Variants in WDR25 observed in about 807,000 individuals in gnomAD.
The protein encoded by WDR25 is WD repeat domain 25, also known as WD repeat-containing protein 25.
WDR25 carries 35 observed loss-of-function variants against 47.7 expected under a neutral mutation model. That is an observed-to-expected ratio of 0.73 (90% CI 0.56 to 0.97). The LOEUF is 0.97. WDR25 is among the 50% of genes least tolerant of loss of function. The probability of loss-of-function intolerance (pLI) is 0.00; values close to 1 mark genes in which losing one functional copy is unlikely to be tolerated. For synonymous variants in WDR25, 248 were observed against 278.9 expected, an observed-to-expected ratio of 0.89 and a Z score of 1.10; for missense variants, 634 against 704.7, an observed-to-expected ratio of 0.90 and a Z score of 1.14.
At chr14:100,383,557 G>A (rs1896953681) in intron 2 of WDR25, among the ~76,000 whole-genome samples, 1 of 152,262 alleles carries the variant, frequency 6.6e-6, no homozygotes, top group African/African-American at 2.4e-5. Context: ...TCTCCTGATG[G>A]TGAGGGGCAG....
chr14:100,429,465 G>T (rs915361058), intron 2 of WDR25, among the ~76,000 whole-genome samples: 58 of 152,180 alleles, frequency 3.8e-4, no homozygotes, highest in African/African-American at 1.3e-3. Flanking sequence ...CTGTTCATCT[G>T]CCCTGAGGCC....
At chr14:100,386,468 G>A (rs1897020372) in intron 2 of WDR25, among the ~76,000 whole-genome samples, 1 of 152,182 alleles carries the variant, frequency 6.6e-6, no homozygotes, top group Non-Finnish European at 1.5e-5. Flanking sequence ...ACTGTCTCAA[G>A]TTTCATACTT....
chr14:100,394,248 G>T (rs553146935), intron 2 of WDR25, among the ~76,000 whole-genome samples: 1 of 152,170 alleles, frequency 6.6e-6, no homozygotes, highest in South Asian at 2.1e-4. Context: ...GAGGAGCTCA[G>T]GTCCCTCTAG....
intron 2 of WDR25, among the ~76,000 whole-genome samples, chr14:100,419,449 A>G (rs771879245): frequency 6.6e-6 from 1 of 152,152 alleles, no homozygotes; most frequent in South Asian, 2.1e-4. Flanking sequence ...CTTATTAACT[A>G]TAATTAGGCA....
In WDR25 at chr14:100,475,135, G is replaced by T. The variant is rs76333867; in HGVS notation, c.970+6967G>T. ...AATGCCTATTTTCAAAAAGACAAAT[G>T]ATAGCAAGTATTGGTGAGGATGTGG... On this transcript the variant is annotated intron_variant, in intron 3 of 6. Coordinates refer to ENST00000402312, the MANE Select transcript of WDR25 (RefSeq NM_001161476.3). Among the ~76,000 whole-genome samples, 987 of 152,324 alleles carry T rather than the reference G, an allele frequency of 6.5e-3. 7 individuals are homozygous for T. Among genetic ancestry groups the T allele is most frequent in the Non-Finnish European group, 9.5e-3 (645 of 68,028 alleles).
intron 2 of WDR25, among the ~76,000 whole-genome samples, chr14:100,435,920 T>C (rs996493190): frequency 1.3e-5 from 2 of 152,052 alleles, no homozygotes; most frequent in East Asian, 3.9e-4. Flanking sequence ...AGTCCTCTGG[T>C]GTGAGGCTTG....
At chr14:100,478,884 A>G (rs547403504) in intron 3 of WDR25, among the ~76,000 whole-genome samples, 1 of 152,230 alleles carries the variant, frequency 6.6e-6, no homozygotes. Flanking sequence ...GAAATTAAGC[A>G]TATGGTTATA....
intron 2 of WDR25, among the ~76,000 whole-genome samples, chr14:100,394,872 C>T (rs1372227601): frequency 6.6e-6 from 1 of 152,138 alleles, no homozygotes; most frequent in Non-Finnish European, 1.5e-5. Flanking sequence ...GTAGTCCCAG[C>T]TACTTGGGAG....
intron 2 of WDR25, among the ~76,000 whole-genome samples, chr14:100,451,639 G>A (rs896615396): frequency 4.6e-5 from 7 of 152,184 alleles, no homozygotes; most frequent in African/African-American, 1.7e-4. Flanking sequence ...TAGAGCCTTG[G>A]TGATTCCATC....
chr14:100,491,566 C>T (rs1238847220), intron 4 of WDR25, among the ~76,000 whole-genome samples: 1 of 152,196 alleles, frequency 6.6e-6, no homozygotes, highest in Non-Finnish European at 1.5e-5. Context: ...TTAGATGTGT[C>T]GCAGGCTATA....
At chr14:100,510,722 C>T (rs995783401) in intron 4 of WDR25, among the ~76,000 whole-genome samples, 7 of 138,918 alleles carry the variant, frequency 5.0e-5, no homozygotes, top group East Asian at 2.0e-4. Flanking sequence ...GGTGACAGAG[C>T]GAGACACCAT....
intron 4 of WDR25, among the ~76,000 whole-genome samples, chr14:100,521,495 G>A (rs1436745834): frequency 2.6e-5 from 4 of 151,932 alleles, no homozygotes; most frequent in South Asian, 2.1e-4. Flanking sequence ...ACATGTTCAC[G>A]TCCCCTCTTC....
chr14:100,482,990 C>T (rs1407486114), intron 3 of WDR25, among the ~76,000 whole-genome samples: 1 of 152,172 alleles, frequency 6.6e-6, no homozygotes, highest in East Asian at 1.9e-4. Context: ...AGCTGCTGTG[C>T]CTGGTGTGTG....
chr14:100,486,395 A>G (rs945593464), intron 4 of WDR25, among the ~76,000 whole-genome samples: 1 of 152,188 alleles, frequency 6.6e-6, no homozygotes, highest in Non-Finnish European at 1.5e-5. Flanking sequence ...TGGTGTTGGC[A>G]TGTTTGCGAG....
chr14:100,478,077 C>T (rs572804920), intron 3 of WDR25, among the ~76,000 whole-genome samples: 8 of 151,240 alleles, frequency 5.3e-5, no homozygotes, highest in South Asian at 2.1e-4. Context: ...GGCGACAGAG[C>T]GAGACTCTGT....
intron 4 of WDR25, among the ~76,000 whole-genome samples, chr14:100,510,068 C>T (rs1044289014): frequency 1.3e-5 from 2 of 151,528 alleles, no homozygotes; most frequent in Non-Finnish European, 1.5e-5. Flanking sequence ...GTCAGGAGGT[C>T]GAGACCAGCC....
At chr14:100,416,338 C>T (rs1897867780) in intron 2 of WDR25, among the ~76,000 whole-genome samples, 1 of 152,176 alleles carries the variant, frequency 6.6e-6, no homozygotes, top group Non-Finnish European at 1.5e-5. Context: ...TACGTATTCT[C>T]AACTCTGATT....
At chr14:100,493,834 G>A (rs1388046916) in intron 4 of WDR25, among the ~76,000 whole-genome samples, 2 of 152,140 alleles carry the variant, frequency 1.3e-5, no homozygotes, top group African/African-American at 4.8e-5. Context: ...ACATGAGGGT[G>A]GAGCCCATAG....
intron 2 of WDR25, among the ~76,000 whole-genome samples, 187 bp from the exon 3 acceptor site, chr14:100,467,834 C>T (rs1393414908): frequency 6.6e-6 from 1 of 152,136 alleles, no homozygotes; most frequent in African/African-American, 2.4e-5. Flanking sequence ...AATGATCCTC[C>T]CAACTTACCA....
Sources: allele counts gnomAD v4.1 joint callset (sites outside exome capture counted in the v4.1 genomes callset), GRCh38; gene constraint gnomAD v4.1.1; transcripts MANE v1.5; gene names NCBI Gene and HGNC (gene_info 2026-07-23, HGNC 2026-07-21).